SH3PXD2A: variants seen among roughly 807,000 people sequenced by gnomAD.
SH3PXD2A encodes SH3 and PX domains 2A.
In SH3PXD2A, 32 loss-of-function variants were observed where a neutral mutation model predicts 115.2. The observed-to-expected ratio is 0.28, with a 90% confidence interval of 0.21 to 0.37. The LOEUF is 0.37. SH3PXD2A is among the 10% of genes least tolerant of loss of function. The pLI is 1.00. For synonymous variants in SH3PXD2A, 610 were observed against 629.1 expected (o/e 0.97, Z 0.45); for missense variants, 1,328 against 1,498.7 (o/e 0.89, Z 1.88).
Position 103,613,134 on chromosome 10 carries a change from T to C in SH3PXD2A, c.977A>G (p.Asp326Gly), listed in dbSNP as rs1564844181. Reference protein sequence around the residue: ...PASYLKKAKDDLPTRKKNLAG... With the variant: ...PASYLKKAKDGLPTRKKNLAG... ...CAGGTTCTTCTTCCGGGTTGGCAGG[T>C]CATCCTTGGCCTTCTTCAGGTAGGA... Residue 326 changes from aspartate (D) to glycine (G), a missense_variant, in exon 12 of 15, where the codon GAC (aspartate) becomes GGC (glycine). Physicochemically the swap from Asp to Gly is moderately conservative, Grantham distance 94. Transcript: ENST00000369774. 1.2e-6 allele frequency: 2 copies of C among 1,613,588 alleles called. No individual in the cohort carries two copies. The highest frequency in any genetic ancestry group is 1.7e-6 in the Non-Finnish European group (2 of 1,179,776).
At chr10:103,667,464 C>T (rs566624322) in intron 7 of SH3PXD2A, among the ~76,000 whole-genome samples, 11 of 152,314 alleles carry the variant, frequency 7.2e-5, no homozygotes, top group Middle Eastern at 3.4e-3. Flanking sequence ...GGCTCACTGG[C>T]GTGTGGAGAG....
At chr10:103,747,803 T>C (rs990409962) in intron 3 of SH3PXD2A, among the ~76,000 whole-genome samples, 1 of 118,274 alleles carries the variant, frequency 8.5e-6, no homozygotes, top group African/African-American at 3.4e-5. Context: ...CTGCTTTCAT[T>C]TTATTTATTT....
At chr10:103,672,645 A>C (rs570284118) in intron 6 of SH3PXD2A, among the ~76,000 whole-genome samples, 3 of 152,340 alleles carry the variant, frequency 2.0e-5, no homozygotes, top group African/African-American at 7.2e-5. Flanking sequence ...TAGCTAGGAA[A>C]TCTCTGAACA....
intron 6 of SH3PXD2A, among the ~76,000 whole-genome samples, chr10:103,671,794 G>A (rs2037464862): frequency 1.3e-5 from 2 of 152,190 alleles, no homozygotes; most frequent in Non-Finnish European, 2.9e-5. Flanking sequence ...GCGCAGCCAA[G>A]TGAGCAGCTG....
Position 103,782,937 on chromosome 10 carries a change from G to GA in SH3PXD2A, c.154-15769_154-15768insT, listed in dbSNP as rs1184220234. Among the ~76,000 whole-genome samples, 408 of 140,342 alleles carry GA rather than the reference G, an allele frequency of 2.9e-3. 5 individuals are homozygous for GA. Among genetic ancestry groups the GA allele is most frequent in the African/African-American group, 0.012 (383 of 33,260 alleles). 92.1% of individuals were successfully genotyped at this position (140,342 alleles called of 152,430 possible). A position where few individuals can be genotyped will look rare whatever the true frequency, so the allele number is the denominator to read the frequency against. ...ACATGAAATGAATGCATGCCTTGGG[G>GA]GGGGGGGCTCTCTGATTCTATGAGA... On this transcript the variant is annotated intron_variant, in intron 2 of 14. Transcript: ENST00000369774.
intron 8 of SH3PXD2A, among the ~76,000 whole-genome samples, chr10:103,641,357 G>A (rs991412869): frequency 6.6e-6 from 1 of 152,150 alleles, no homozygotes; most frequent in South Asian, 2.1e-4. Flanking sequence ...AGGACCATGT[G>A]TTCAGTATGT....
At chr10:103,724,718 A>G (rs1407829373) in intron 4 of SH3PXD2A, among the ~76,000 whole-genome samples, 1 of 151,980 alleles carries the variant, frequency 6.6e-6, no homozygotes, top group East Asian at 1.9e-4. Flanking sequence ...CCCATCAACC[A>G]TCCAGTCAAC....
intron 8 of SH3PXD2A, among the ~76,000 whole-genome samples, chr10:103,651,598 G>A (rs2037124168): frequency 6.6e-6 from 1 of 152,232 alleles, no homozygotes; most frequent in Admixed American, 6.5e-5. Flanking sequence ...CAACCTTGGG[G>A]CAAGTCACTT....
intron 13 of SH3PXD2A, among the ~76,000 whole-genome samples, chr10:103,606,266 G>C (rs1172696468): frequency 6.6e-6 from 1 of 151,432 alleles, no homozygotes; most frequent in Admixed American, 6.6e-5. Context: ...CTAGAGTGCA[G>C]TGGAGTAATC....
chr10:103,789,248 G>A (rs537716305), intron 2 of SH3PXD2A, among the ~76,000 whole-genome samples: 38 of 152,300 alleles, frequency 2.5e-4, no homozygotes, highest in African/African-American at 8.7e-4. Context: ...CAAGCCAAAG[G>A]GAATGCCCAC....
Position 103,636,659 on chromosome 10 carries a change from G to C in SH3PXD2A, c.605-9457C>G, listed in dbSNP as rs557119217. Among the ~76,000 whole-genome samples, 5 of 152,220 alleles carry C rather than the reference G, an allele frequency of 3.3e-5. No homozygotes were observed. The South Asian group carries it at 1.0e-3, about 32-fold the overall frequency. The stretch of plus-strand genomic sequence containing the variant: ...CTTAAGGAGGGAGAATAATGAGCTC[G>C]TTAGGGCCAGAGTCAGGCCAGCTGC... On this transcript the variant is annotated intron_variant, in intron 8 of 14. Coordinates refer to ENST00000369774, the MANE Select transcript of SH3PXD2A (RefSeq NM_001394015.1).
At position 103,603,390 on chromosome 10, in the gene SH3PXD2A, C is replaced by T. The variant is rs764508570; in HGVS notation, c.1828G>A (p.Glu610Lys). ...GTCTCCTCTTCCAGGGCCACATCCT[C>T]TGAAGACTCACCCACCTTGAAGCGG... ...RARFKVGESS[E>K]DVALEEETIY... is the part of the protein sequence containing the mutation. Residue 610 changes from glutamate (E) to lysine (K), a missense_variant, in exon 15 of 15, where the codon GAG becomes AAG. By Grantham distance (56) the Glu-to-Lys change is moderately conservative (BLOSUM62 1). Coordinates refer to ENST00000369774, the MANE Select transcript of SH3PXD2A (RefSeq NM_001394015.1). 5 of 1,614,194 alleles carry T rather than the reference C, an allele frequency of 3.1e-6. No individual in the cohort carries two copies. Among genetic ancestry groups the T allele is most frequent in the Non-Finnish European group, 4.2e-6 (5 of 1,180,026 alleles).
Position 103,735,749 on chromosome 10 carries a change from T to A in SH3PXD2A, c.289A>T (p.Ile97Phe). The A allele has an allele frequency of 6.2e-7, 1 of 1,610,948 alleles. No homozygotes were observed. ...RDVAVKRLKP[I>F]DEYCRALVRL... ...ACTCTCACCCGGCAGTATTCATCGA[T>A]GGGCTTCAGTCTCTTCACAGCTACG... The change falls in exon 4 of 15, where the codon ATC becomes TTC. Residue 97 changes from isoleucine (I) to phenylalanine (F), a missense_variant. By Grantham distance (21) the Ile-to-Phe change is conservative. Coordinates refer to ENST00000369774, the MANE Select transcript of SH3PXD2A (RefSeq NM_001394015.1).
intron 1 of SH3PXD2A, among the ~76,000 whole-genome samples, chr10:103,841,784 CA>C: frequency 6.6e-6 from 1 of 152,264 alleles, no homozygotes; most frequent in Non-Finnish European, 1.5e-5. Context: ...AAGTCTTACT[CA>C]AAAGCCACCT....
intron 4 of SH3PXD2A, among the ~76,000 whole-genome samples, chr10:103,728,984 G>A (rs1474566006): frequency 4.1e-5 from 6 of 147,216 alleles, no homozygotes; most frequent in Admixed American, 2.7e-4. Context: ...CCTCCCCCTC[G>A]CCGGGTTCAA....
Position 103,855,214 on chromosome 10 carries a change from C to T in SH3PXD2A, c.53G>A (p.Arg18Lys), listed in dbSNP as rs1257619915. The T allele has an allele frequency of 3.2e-6, 5 of 1,538,830 alleles. No homozygotes were observed. The Admixed American group carries it at 8.1e-5, about 25-fold the overall frequency. Residue 18 changes from arginine to lysine, a missense_variant, in exon 1 of 15, where the codon AGG becomes AAG. Physicochemically the swap from Arg to Lys is conservative, Grantham distance 26 (BLOSUM62 2). Coordinates refer to ENST00000369774, the MANE Select transcript of SH3PXD2A (RefSeq NM_001394015.1). ...DATVVDVEKRRNPSKHYVYII... is the reference protein window; with the variant it reads ...DATVVDVEKRKNPSKHYVYII... ...ACTCACGTAGTGCTTGGAGGGGTTC[C>T]TCCGCTTCTCCACGTCCACCACGGT... is the stretch of plus-strand genomic sequence containing the variant.
At chr10:103,778,769 C>T (rs996861880) in intron 2 of SH3PXD2A, among the ~76,000 whole-genome samples, 1 of 152,216 alleles carries the variant, frequency 6.6e-6, no homozygotes, top group African/African-American at 2.4e-5. Context: ...ACCTGCCAAG[C>T]CCATCTAACC....
At chr10:103,810,362 C>G (rs2039254052) in intron 1 of SH3PXD2A, among the ~76,000 whole-genome samples, 1 of 152,194 alleles carries the variant, frequency 6.6e-6, no homozygotes, top group Admixed American at 6.5e-5. Context: ...CCTCACAGCC[C>G]AGCAGGGGCA....
At chr10:103,839,005 T>G (rs1220492942) in intron 1 of SH3PXD2A, among the ~76,000 whole-genome samples, 1 of 152,200 alleles carries the variant, frequency 6.6e-6, no homozygotes, top group African/African-American at 2.4e-5. Context: ...TCAACATACA[T>G]ACAGACCTAG....
Sources: gnomAD v4.1 joint callset for allele counts (sites outside exome capture counted in the v4.1 genomes callset) on GRCh38, gnomAD v4.1.1 for gene constraint, MANE v1.5 for transcripts, NCBI Gene and HGNC (gene_info 2026-07-23, HGNC 2026-07-21) for gene names.